HMG20A: variants seen among roughly 807,000 people sequenced by gnomAD.
HMG20A encodes the protein high mobility group protein 20A.
In HMG20A, 17 loss-of-function variants were observed where a neutral mutation model predicts 43.9. The ratio of observed to expected loss-of-function variants is 0.39; its 90% CI spans 0.27 to 0.58. HMG20A has a LOEUF of 0.58. Ranked by LOEUF, HMG20A falls within the 20% of genes least tolerant of loss-of-function variation. HMG20A has a pLI of 0.59. For missense variants in HMG20A, 341 were observed against 438.2 expected, an observed-to-expected ratio of 0.78 and a Z score of 1.98; for synonymous variants, 132 against 147.5, an observed-to-expected ratio of 0.89 and a Z score of 0.76.
intron 9 of HMG20A, chr15:77,482,551 C>T (rs933662570): frequency 2.6e-5 from 4 of 152,146 alleles, no homozygotes; most frequent in East Asian, 3.8e-4. Flanking sequence ...TGATTATATG[C>T]ACATAATACA....
chr15:77,436,531 T>C (rs2073550738), intron 1 of HMG20A, among the ~76,000 whole-genome samples: 1 of 151,948 alleles, frequency 6.6e-6, no homozygotes, highest in Non-Finnish European at 1.5e-5. Context: ...TGTTCTCGGC[T>C]CATTGAATCC....
the HMG20A span, among the ~76,000 whole-genome samples, chr15:77,496,602 C>G: frequency 6.6e-6 from 1 of 152,176 alleles, no homozygotes; most frequent in African/African-American, 2.4e-5. Context: ...AGGTCAGGAC[C>G]AAACATTTTT....
At chr15:77,487,601 A>G (rs2072952382), downstream of HMG20A, among the ~76,000 whole-genome samples, 1 of 152,182 alleles carries the variant, frequency 6.6e-6, no homozygotes, top group Admixed American at 6.5e-5. Context: ...ACAGGTGGTA[A>G]TACTTCCCCT....
intron 1 of HMG20A, among the ~76,000 whole-genome samples, chr15:77,456,827 T>C (rs1282404846): frequency 6.6e-6 from 1 of 152,212 alleles, no homozygotes; most frequent in African/African-American, 2.4e-5. Flanking sequence ...CTTTGTATTG[T>C]ATAATGTGAA....
chr15:77,495,588 G>A, the HMG20A span, among the ~76,000 whole-genome samples: 1 of 152,032 alleles, frequency 6.6e-6, no homozygotes, highest in Non-Finnish European at 1.5e-5. Context: ...GCAGTAAAGT[G>A]GAAAACGGCA....
chr15:77,436,047 C>G (rs1272588981), intron 1 of HMG20A, among the ~76,000 whole-genome samples: 1 of 152,194 alleles, frequency 6.6e-6, no homozygotes, highest in Non-Finnish European at 1.5e-5. Flanking sequence ...ACTCCTGTCT[C>G]CATCTCAGAC....
At chr15:77,512,505 C>T in the HMG20A span, among the ~76,000 whole-genome samples, 1 of 151,956 alleles carries the variant, frequency 6.6e-6, no homozygotes, top group Admixed American at 6.6e-5. Context: ...ACATCAGGGA[C>T]AATTTGAGCA....
the HMG20A span, among the ~76,000 whole-genome samples, chr15:77,519,340 G>A: frequency 3.9e-5 from 6 of 152,228 alleles, no homozygotes; most frequent in East Asian, 3.8e-4. Flanking sequence ...GCCAGTGTGC[G>A]CCTACTGCAA....
intron 6 of HMG20A, among the ~76,000 whole-genome samples, chr15:77,477,264 G>A (rs1555511117): frequency 1.3e-5 from 2 of 152,092 alleles, no homozygotes; most frequent in Non-Finnish European, 2.9e-5. Context: ...AAAACACAAG[G>A]CTAAGAAATG....
At chr15:77,452,794 T>C (rs1180524600) in intron 1 of HMG20A, among the ~76,000 whole-genome samples, 1 of 152,200 alleles carries the variant, frequency 6.6e-6, no homozygotes, top group Non-Finnish European at 1.5e-5. Flanking sequence ...CAAAGACCAC[T>C]ATCAAAGTGA....
intron 1 of HMG20A, among the ~76,000 whole-genome samples, chr15:77,436,275 C>T (rs1222020675): frequency 2.0e-5 from 3 of 150,776 alleles, no homozygotes; most frequent in Admixed American, 1.3e-4. Flanking sequence ...CACTTACACA[C>T]CCCCCTATCC....
At chr15:77,443,139 TCTC>T (rs1469161374) in intron 1 of HMG20A, among the ~76,000 whole-genome samples, 1 of 150,242 alleles carries the variant, frequency 6.7e-6, no homozygotes, top group Admixed American at 6.6e-5. Context: ...TTTAAGCGAT[TCTC>T]CTTCCTCAGC....
chr15:77,443,187 C>T (rs2073632053), intron 1 of HMG20A, among the ~76,000 whole-genome samples: 2 of 151,204 alleles, frequency 1.3e-5, no homozygotes, highest in African/African-American at 4.9e-5. Flanking sequence ...CTCCTGCCAC[C>T]ATACCGGGCT....
the HMG20A span, among the ~76,000 whole-genome samples, chr15:77,519,749 T>C: frequency 1.1e-4 from 17 of 152,198 alleles, no homozygotes; most frequent in African/African-American, 4.1e-4. Context: ...TTTGTTGTCA[T>C]GGCAGGAAAG....
the HMG20A span, among the ~76,000 whole-genome samples, chr15:77,516,979 G>A: frequency 5.3e-5 from 8 of 152,270 alleles, no homozygotes; most frequent in African/African-American, 1.9e-4. Context: ...GCAGCATGGT[G>A]GCCTCACCGT....
At chr15:77,455,880 T>C (rs1399828853) in intron 1 of HMG20A, among the ~76,000 whole-genome samples, 4 of 152,176 alleles carry the variant, frequency 2.6e-5, no homozygotes, top group Non-Finnish European at 4.4e-5. Context: ...CCCAGACATA[T>C]TCTTGGGAAT....
Position 77,440,849 on chromosome 15 carries a change from T to C in HMG20A, c.-4-17555T>C, listed in dbSNP as rs1282804363. On this transcript the variant is annotated intron_variant, in intron 1 of 9. Transcript: ENST00000336216. ...TATTTTTGAATAGCCATAGTGACTA[T>C]CACAGTAAACATTTGTAAGTTACTT... Among the ~76,000 whole-genome samples the C allele has an allele frequency of 4.6e-5, 7 of 152,308 alleles. No individual in the cohort carries two copies. The East Asian group carries it at 1.2e-3, about 25-fold the overall frequency.
intron 1 of HMG20A, among the ~76,000 whole-genome samples, chr15:77,440,964 C>T (rs940717333): frequency 1.3e-5 from 2 of 152,130 alleles, no homozygotes; most frequent in Admixed American, 6.6e-5. Context: ...TAAGTGGTAT[C>T]ATACACGTAT....
chr15:77,503,002 T>C, the HMG20A span, among the ~76,000 whole-genome samples: 3 of 152,056 alleles, frequency 2.0e-5, no homozygotes, highest in African/African-American at 7.2e-5. Context: ...AAAAAATCAG[T>C]GTTGATGTAC....
Sources: allele counts gnomAD v4.1 joint callset (sites outside exome capture counted in the v4.1 genomes callset), GRCh38; gene constraint gnomAD v4.1.1; transcripts MANE v1.5; gene names NCBI Gene and HGNC (gene_info 2026-07-23, HGNC 2026-07-21).